The following PNPLA6 variants were observed in gnomAD, a reference collection of about 807,000 sequenced individuals.
The protein encoded by PNPLA6 is patatin-like phospholipase domain-containing protein 6.
Under a neutral mutation model 153.7 loss-of-function variants are expected in PNPLA6, and 105 were observed. That is an observed-to-expected ratio of 0.68 (90% CI 0.58 to 0.80). PNPLA6 has a LOEUF of 0.80. Ranked by LOEUF, PNPLA6 falls within the 30% of genes least tolerant of loss-of-function variation. The probability of loss-of-function intolerance (pLI) is 0.00; values close to 1 mark genes in which losing one functional copy is unlikely to be tolerated. For missense variants in PNPLA6, 1,423 were observed against 1,919.3 expected (o/e 0.74, Z 4.83); for synonymous variants, 825 against 822.2 (o/e 1.00, Z -0.06).
intron 18 of PNPLA6, among the ~76,000 whole-genome samples, chr19:7,552,311 G>T (rs528780249): frequency 6.6e-6 from 1 of 152,108 alleles, no homozygotes; most frequent in Non-Finnish European, 1.5e-5. Context: ...CTGAAATGAG[G>T]GCCTGAGTTT....
intron 10 of PNPLA6, 92 bp from the exon 11 acceptor site, chr19:7,542,469 G>A: frequency 2.1e-6 from 2 of 958,984 alleles, no homozygotes; most frequent in South Asian, 1.3e-5. Flanking sequence ...CAAATAGCTG[G>A]AACTACAGGC....
chr19:7,553,714 C>T (rs1243632522), intron 18 of PNPLA6, among the ~76,000 whole-genome samples, 161 bp from the exon 19 acceptor site: 2 of 152,168 alleles, frequency 1.3e-5, no homozygotes, highest in Admixed American at 6.6e-5. Context: ...CCATGGCTTT[C>T]TGTATGGTAG....
rs569618864 is a variant in PNPLA6, at chr19:7,560,970, C to T, written c.3817-44C>T. ...ACTGGGCCCCCCAGGGGCCCCAAGACTCTGTGGGCCCCCCCTAAGAGCCTC... is the reference window on the plus strand; with the variant it reads ...ACTGGGCCCCCCAGGGGCCCCAAGATTCTGTGGGCCCCCCCTAAGAGCCTC... On this transcript the variant is annotated intron_variant, in intron 29 of 31. Coordinates refer to ENST00000600737, the MANE Select transcript of PNPLA6 (RefSeq NM_001166114.2). 7 of 1,346,842 alleles carry T rather than the reference C, an allele frequency of 5.2e-6. No homozygotes were observed. In the African/African-American group the frequency reaches 1.0e-4, roughly 19 times the overall value. 83.4% of individuals were successfully genotyped at this position (1,346,842 alleles called of 1,614,324 possible). A position where few individuals can be genotyped will look rare whatever the true frequency, so the allele number is the denominator to read the frequency against.
At chr19:7,544,538 TG>T (rs1010696899) in intron 13 of PNPLA6, among the ~76,000 whole-genome samples, 1 of 152,120 alleles carries the variant, frequency 6.6e-6, no homozygotes, top group African/African-American at 2.4e-5. Context: ...ATCCACAGTG[TG>T]GGGTTTGCAA....
Position 7,539,947 on chromosome 19 carries a change from C to T in PNPLA6, c.443C>T (p.Thr148Met), listed in dbSNP as rs1438952854. Residue 148 changes from threonine to methionine, a missense_variant, in exon 4 of 32, where the codon ACG becomes ATG. Physicochemically the swap from Thr to Met is moderately conservative, Grantham distance 81 (BLOSUM62 -1). Around this residue, in one of 10 missense-constraint regions of PNPLA6, gnomAD observed 74 missense variants for 171.3 expected, o/e 0.43. Coordinates refer to ENST00000600737, the MANE Select transcript of PNPLA6 (RefSeq NM_001166114.2). ...KILRIQKETP[T>M]LQRKEPPPAV... ...CTGCGCATCCAGAAAGAGACGCCCA[C>T]GCTGCAGCGGAAGGAGCCCCCGCCC... 4.5e-6 allele frequency: 7 copies of T among 1,563,218 alleles called. No individual in the cohort carries two copies. The highest frequency in any genetic ancestry group is 2.4e-5 in the East Asian group (1 of 42,108).
At chr19:7,543,813 CTTT>C (rs59936834) in intron 13 of PNPLA6, among the ~76,000 whole-genome samples, 5 of 142,202 alleles carry the variant, frequency 3.5e-5, no homozygotes, top group Admixed American at 7.0e-5. Flanking sequence ...TCTTTTTTTT[CTTT>C]TTTTTTTTTT....
intron 13 of PNPLA6, 104 bp from the exon 14 acceptor site, chr19:7,549,803 A>C: frequency 4.3e-6 from 5 of 1,153,396 alleles, no homozygotes; most frequent in African/African-American, 1.5e-5. Flanking sequence ...TATTTTTCTT[A>C]ACCCTTCCTT....
intron 13 of PNPLA6, among the ~76,000 whole-genome samples, chr19:7,544,506 G>A (rs2023299879): frequency 6.6e-6 from 1 of 152,204 alleles, no homozygotes; most frequent in Non-Finnish European, 1.5e-5. Context: ...CAGAGCAGCA[G>A]GCCGGAACCA....
In PNPLA6 at chr19:7,555,673, C is replaced by T. The variant is rs145459571; in HGVS notation, c.3003C>T (p.Gly1001=). 5.1e-4 allele frequency: 828 copies of T among 1,613,216 alleles called. 1 individual carries two copies. The highest frequency in any genetic ancestry group is 6.8e-4 in the Non-Finnish European group (797 of 1,179,834). ...EEAGVPVDLV[G]GTSIGSFIGA... is the part of the protein sequence containing the mutation. ...CGGGGGTCCCCGTGGACCTGGTGGG[C>T]GGCACGTCCATTGGCTCTTTCATCG... Residue 1001 remains glycine (G), a synonymous_variant, in exon 24 of 32, where the codon GGC becomes GGT. Transcript: ENST00000600737. The surrounding 1 kb of genome is among the most constrained non-coding windows in gnomAD (Gnocchi z 6.3).
In PNPLA6 at chr19:7,541,612, G is replaced by C. The variant is rs533164657; in HGVS notation, c.1096G>C (p.Ala366Pro). 1.2e-4 allele frequency: 189 copies of C among 1,592,202 alleles called. No homozygotes were observed. Among genetic ancestry groups the C allele is most frequent in the Non-Finnish European group, 1.5e-4 (172 of 1,169,760 alleles). Reference sequence around the variant, plus strand: ...CTCCAAGAGAATGGTCAGCACCTCAGCTACAGACGAGCCCAGGGAGACCCC... The same window carrying C: ...CTCCAAGAGAATGGTCAGCACCTCACCTACAGACGAGCCCAGGGAGACCCC... ...RGSKRMVSTS[A>P]TDEPRETPGR... Residue 366 changes from alanine (A) to proline (P), a missense_variant, in exon 9 of 32, where the codon GCT becomes CCT. Transcript: ENST00000600737. This position sits in a 1 kb window ranked among gnomAD's most constrained non-coding sequence, Gnocchi z 5.2.
chr19:7,559,048 T>C lies in PNPLA6; in HGVS notation c.3596T>C (p.Val1199Ala). ...TCCCGCCTGGCCTACGTGTCCTGTG[T>C]GCGGCAGCTAGAGGTTGTCAAGTCC... ...IQSRLAYVSC[V>A]RQLEVVKSSS... The change falls in exon 28 of 32, where the codon GTG becomes GCG. Residue 1199 changes from valine to alanine, a missense_variant. Val to Ala is a moderately conservative substitution (Grantham distance 64). Around this residue, in one of 10 missense-constraint regions of PNPLA6, gnomAD observed 643 missense variants for 835.2 expected, o/e 0.77. Coordinates refer to ENST00000600737, the MANE Select transcript of PNPLA6 (RefSeq NM_001166114.2). 1 of 1,614,220 alleles carries C rather than the reference T, an allele frequency of 6.2e-7. No individual in the cohort carries two copies. Among genetic ancestry groups the C allele is most frequent in the Non-Finnish European group, 8.5e-7 (1 of 1,180,028 alleles).
Position 7,555,213 on chromosome 19 carries a change from C to CA in PNPLA6, c.2818-35dup. ...TGGGGGATCCGCCGGACCCCGCCCT[C>CA]ATGCTCCTGGGTCGCGACTATCTCC... On this transcript the variant is annotated intron_variant, in intron 22 of 31. Transcript: ENST00000600737. This position sits in a 1 kb window ranked among gnomAD's most constrained non-coding sequence, Gnocchi z 6.3. The CA allele has an allele frequency of 6.4e-7, 1 of 1,558,800 alleles. No individual in the cohort carries two copies. Among genetic ancestry groups the CA allele is most frequent in the Non-Finnish European group, 8.7e-7 (1 of 1,143,518 alleles).
At chr19:7,551,149 C>T in intron 17 of PNPLA6, 42 bp downstream of exon 17, 1 of 1,048,916 alleles carries the variant, frequency 9.5e-7, no homozygotes, top group Non-Finnish European at 1.4e-6. Flanking sequence ...GGAGGCGGGA[C>T]TCCGGGGGGG....
chr19:7,559,039 T>A lies in PNPLA6; in HGVS notation c.3587T>A (p.Val1196Glu). Residue 1196 changes from valine (V) to glutamate (E), a missense_variant, in exon 28 of 32, where the codon GTG becomes GAG. Val to Glu is a moderately radical substitution (Grantham distance 121). Around this residue, in one of 10 missense-constraint regions of PNPLA6, gnomAD observed 643 missense variants for 835.2 expected, o/e 0.77. Transcript: ENST00000600737. The stretch of plus-strand genomic sequence containing the variant: ...GAAATCCAGTCCCGCCTGGCCTACG[T>A]GTCCTGTGTGCGGCAGCTAGAGGTT... Reference protein sequence around the residue: ...MAEIQSRLAYVSCVRQLEVVK... With the variant: ...MAEIQSRLAYESCVRQLEVVK... The A allele has an allele frequency of 1.2e-6, 2 of 1,614,172 alleles. No individual in the cohort carries two copies. The highest frequency in any genetic ancestry group is 8.5e-7 in the Non-Finnish European group (1 of 1,180,020).
rs781269044 is a variant in PNPLA6, at chr19:7,550,026, G to C, written c.1728G>C (p.Ala576=). ...CCGGGGAACTGGTGGGGCAGCTGGC[G>C]GTGCTCACTGGCGAACCTCTCATCT... ...AQPGELVGQL[A]VLTGEPLIFT... is the part of the protein sequence containing the mutation. Residue 576 remains alanine, a synonymous_variant, in exon 14 of 32, where the codon GCG becomes GCC. Coordinates refer to ENST00000600737, the MANE Select transcript of PNPLA6 (RefSeq NM_001166114.2). The C allele has an allele frequency of 2.5e-6, 4 of 1,613,900 alleles. No homozygotes were observed. Among genetic ancestry groups the C allele is most frequent in the Non-Finnish European group, 3.4e-6 (4 of 1,180,024 alleles).
Position 7,540,896 on chromosome 19 carries a change from C to T in PNPLA6, c.796-27C>T. Reference sequence around the variant, plus strand: ...GGGGACTCGCAGCCTCTGCCCTTGTCTCTCTTCACGCCCTCCCCTCCCCCA... The same window carrying T: ...GGGGACTCGCAGCCTCTGCCCTTGTTTCTCTTCACGCCCTCCCCTCCCCCA... On this transcript the variant is annotated intron_variant, in intron 6 of 31. Transcript: ENST00000600737. The surrounding 1 kb of genome is among the most constrained non-coding windows in gnomAD (Gnocchi z 6.8). 1 of 1,613,018 alleles carries T rather than the reference C, an allele frequency of 6.2e-7. No homozygotes were observed. Among genetic ancestry groups the T allele is most frequent in the Non-Finnish European group, 8.5e-7 (1 of 1,179,892 alleles).
chr19:7,554,531 G>A, intron 20 of PNPLA6, 24 bp from the exon 21 acceptor site: 2 of 1,613,884 alleles, frequency 1.2e-6, no homozygotes, highest in South Asian at 1.1e-5. Flanking sequence ...ACCCCAGGAT[G>A]ACGCTGCCCC....
chr19:7,550,477 T>TG, intron 15 of PNPLA6, 40 bp from the exon 16 acceptor site: 1 of 1,612,504 alleles, frequency 6.2e-7, no homozygotes, highest in Non-Finnish European at 8.5e-7. Flanking sequence ...GGTGGGGACC[T>TG]GGGGGTGGTC....
chr19:7,535,239 T>G, upstream of PNPLA6: 1 of 552,690 alleles, frequency 1.8e-6, no homozygotes, highest in Non-Finnish European at 3.3e-6. The surrounding 1 kb of genome is among the most constrained non-coding windows in gnomAD (Gnocchi z 5.0). Flanking sequence ...CGGGGTGGGG[T>G]TGGACAGGCG....
Sources: gnomAD v4.1 joint callset for allele counts (sites outside exome capture counted in the v4.1 genomes callset) on GRCh38, gnomAD v4.1.1 for gene constraint, gnomAD v4.1.1 regional missense constraint, Gnocchi (gnomAD v3.1) non-coding constraint, MANE v1.5 for transcripts, NCBI Gene and HGNC (gene_info 2026-07-23, HGNC 2026-07-21) for gene names.